The following PPP1CB variants were observed in gnomAD, a reference collection of about 807,000 sequenced individuals.
PPP1CB encodes the protein serine/threonine-protein phosphatase PP1-beta catalytic subunit.
Under a neutral mutation model 43.7 loss-of-function variants are expected in PPP1CB, and 2 were observed. The observed-to-expected ratio is 0.05, with a 90% confidence interval of 0.02 to 0.14. The LOEUF is 0.14. Ranked by LOEUF, PPP1CB falls within the 10% of genes least tolerant of loss-of-function variation. PPP1CB has a pLI of 1.00. For synonymous variants in PPP1CB, 136 were observed against 135.6 expected (o/e 1.00, Z -0.02); for missense variants, 84 against 398.0 (o/e 0.21, Z 6.71).
chr2:28,754,924 C>T (rs567163786), intron 1 of PPP1CB, among the ~76,000 whole-genome samples: 1 of 152,260 alleles, frequency 6.6e-6, no homozygotes, highest in East Asian at 1.9e-4. Context: ...CAACATATTC[C>T]TGATTGTTTT....
intron 1 of PPP1CB, among the ~76,000 whole-genome samples, chr2:28,766,996 G>A (rs571848598): frequency 6.6e-6 from 1 of 151,866 alleles, no homozygotes; most frequent in South Asian, 2.1e-4. Flanking sequence ...CAGGAGAATC[G>A]CGTGAACCAG....
intron 1 of PPP1CB, among the ~76,000 whole-genome samples, chr2:28,761,673 A>G (rs1237219176): frequency 6.6e-6 from 1 of 152,198 alleles, no homozygotes; most frequent in Non-Finnish European, 1.5e-5. Context: ...GCATATAACC[A>G]CTATTCTTGT....
chr2:28,771,457 G>A (rs985141234), intron 1 of PPP1CB, among the ~76,000 whole-genome samples: 2 of 152,002 alleles, frequency 1.3e-5, no homozygotes, highest in Non-Finnish European at 2.9e-5. Context: ...ACAAAATTGG[G>A]ATGTTTATAT....
At chr2:28,780,075 CT>C (rs1667123982) in intron 3 of PPP1CB, among the ~76,000 whole-genome samples, 39 of 140,098 alleles carry the variant, frequency 2.8e-4, no homozygotes, top group African/African-American at 9.9e-4. Flanking sequence ...TTTTTCTTTT[CT>C]TTTCTTTCTT....
chr2:28,784,308 CAA>C (rs1462919308), intron 5 of PPP1CB, among the ~76,000 whole-genome samples: 2 of 152,164 alleles, frequency 1.3e-5, no homozygotes, highest in African/African-American at 4.8e-5. Context: ...TTAAATTAGA[CAA>C]AAGTTTTTTA....
intron 1 of PPP1CB, among the ~76,000 whole-genome samples, chr2:28,765,926 A>C (rs1558299585): frequency 6.6e-6 from 1 of 152,242 alleles, no homozygotes; most frequent in Admixed American, 6.5e-5. Flanking sequence ...AAATTAAAAA[A>C]TAAAGCAACT....
intron 4 of PPP1CB, 63 bp from the exon 5 acceptor site, chr2:28,783,844 G>A (rs1373648543): frequency 3.8e-5 from 41 of 1,068,222 alleles, no homozygotes; most frequent in African/African-American, 7.9e-5. Context: ...CTTTTTATTC[G>A]GTGACTGTTA....
At chr2:28,792,834 T>C (rs1350827091) in intron 6 of PPP1CB, among the ~76,000 whole-genome samples, 2 of 152,212 alleles carry the variant, frequency 1.3e-5, no homozygotes, top group African/African-American at 4.8e-5. Context: ...ATTTACATAT[T>C]ATTGTGTTCC....
At chr2:28,787,834 T>C (rs968062034) in intron 5 of PPP1CB, among the ~76,000 whole-genome samples, 35 of 152,214 alleles carry the variant, frequency 2.3e-4, no homozygotes, top group African/African-American at 7.7e-4. Flanking sequence ...CTTCTCACTT[T>C]GTATTCCTAA....
At chr2:28,779,814 A>G (rs1031989597) in intron 3 of PPP1CB, among the ~76,000 whole-genome samples, 4 of 152,154 alleles carry the variant, frequency 2.6e-5, no homozygotes, top group Admixed American at 6.5e-5. Flanking sequence ...TAATGATTTG[A>G]CAAAGTTTGA....
In PPP1CB at chr2:28,793,911, T is replaced by C; in HGVS notation, c.793T>C (p.Leu265=). The change falls in exon 7 of 8, where the codon TTA becomes CTA. Residue 265 remains leucine (L), a synonymous_variant. Transcript: ENST00000395366. ...TTTTGCTAAACGACAGTTGGTAACC[T>C]TATTTTCAGCCCCAAATTACTGTGG... ...EFFAKRQLVT[L]FSAPNYCGEF... The C allele has an allele frequency of 6.2e-7, 1 of 1,614,140 alleles. No homozygotes were observed. The highest frequency in any genetic ancestry group is 8.5e-7 in the Non-Finnish European group (1 of 1,179,986).
At chr2:28,772,736 A>G (rs1292360228) in intron 1 of PPP1CB, among the ~76,000 whole-genome samples, 1 of 152,132 alleles carries the variant, frequency 6.6e-6, no homozygotes, top group Non-Finnish European at 1.5e-5. Flanking sequence ...ATTTTTGAGT[A>G]TTTGTATTAT....
At position 28,771,297 on chromosome 2, in the gene PPP1CB, C is replaced by T. The variant is rs529011654; in HGVS notation, c.53-5554C>T. Among the ~76,000 whole-genome samples the T allele has an allele frequency of 1.8e-4, 28 of 152,130 alleles. No homozygotes were observed. In the South Asian group the frequency reaches 4.2e-3, roughly 23 times the overall value. ...TCTTCCTGACCTCAGGTGATCCACC[C>T]ACCTCGGCCTCCCAAAGTGCTGGGA... On this transcript the variant is annotated intron_variant, in intron 1 of 7. Coordinates refer to ENST00000395366, the MANE Select transcript of PPP1CB (RefSeq NM_002709.3).
At chr2:28,752,352 G>A (rs1407943624) in intron 1 of PPP1CB, among the ~76,000 whole-genome samples, 176 bp downstream of exon 1, 2 of 152,048 alleles carry the variant, frequency 1.3e-5, no homozygotes, top group South Asian at 4.2e-4. Flanking sequence ...GCGCGGGGGA[G>A]CGGCCTCTGG....
In PPP1CB at chr2:28,751,841, C is replaced by A; in HGVS notation, c.-284C>A. The stretch of plus-strand genomic sequence containing the variant: ...CGCTGGTGAGCTTTGCGGAGCTGGG[C>A]GGTGCCGAGGAGGAGGAGGTGGCGG... On this transcript the variant is annotated 5_prime_UTR_variant, in exon 1 of 8. Coordinates refer to ENST00000395366, the MANE Select transcript of PPP1CB (RefSeq NM_002709.3). The A allele has an allele frequency of 1.9e-6, 1 of 523,502 alleles. No individual in the cohort carries two copies. The highest frequency in any genetic ancestry group is 2.9e-5 in the Admixed American group (1 of 33,942). 32.4% of individuals were successfully genotyped at this position (523,502 alleles called of 1,614,324 possible).
intron 1 of PPP1CB, among the ~76,000 whole-genome samples, chr2:28,763,944 G>T (rs114901979): frequency 1.3e-4 from 19 of 151,844 alleles, no homozygotes; most frequent in Admixed American, 1.0e-3. Context: ...CTCCTGATCC[G>T]CCCACCTTAG....
chr2:28,789,593 A>ATTTTTTTTT (rs70956041), intron 6 of PPP1CB, among the ~76,000 whole-genome samples: 2 of 96,544 alleles, frequency 2.1e-5, no homozygotes, highest in Non-Finnish European at 4.4e-5. Context: ...TATGATTTAG[A>ATTTTTTTTT]TTTTTTTTTT....
At chr2:28,776,764 G>A (rs1157548937) in intron 1 of PPP1CB, 87 bp from the exon 2 acceptor site, 3 of 1,321,400 alleles carry the variant, frequency 2.3e-6, no homozygotes, top group Non-Finnish European at 3.1e-6. Flanking sequence ...TGACTTTTCT[G>A]ATTTTTAAAG....
chr2:28,792,894 C>T (rs969293445), intron 6 of PPP1CB, among the ~76,000 whole-genome samples: 3 of 152,024 alleles, frequency 2.0e-5, no homozygotes, highest in African/African-American at 7.2e-5. Context: ...CAGAAATTGA[C>T]AACTGGTTCT....
Sources: gnomAD v4.1 joint callset for allele counts (sites outside exome capture counted in the v4.1 genomes callset) on GRCh38, gnomAD v4.1.1 for gene constraint, MANE v1.5 for transcripts, NCBI Gene and HGNC (gene_info 2026-07-23, HGNC 2026-07-21) for gene names.